CDK8: variants seen among roughly 807,000 people sequenced by gnomAD.
CDK8 encodes the protein cyclin dependent kinase 8.
In CDK8, 29 loss-of-function variants were observed where a neutral mutation model predicts 71.5. That is an observed-to-expected ratio of 0.41 (90% CI 0.30 to 0.55). The LOEUF (loss-of-function observed/expected upper bound fraction) is 0.55, where lower values mean the gene tolerates loss of function less well. Among genes scored for constraint, CDK8 ranks in the 20% least tolerant of loss-of-function variants. The pLI is 0.37. For missense variants in CDK8, 288 were observed against 572.6 expected (o/e 0.50, Z 5.07); for synonymous variants, 161 against 192.1 (o/e 0.84, Z 1.34).
intron 1 of CDK8, among the ~76,000 whole-genome samples, chr13:26,271,943 T>G (rs924550892): frequency 1.3e-5 from 2 of 150,148 alleles, no homozygotes; most frequent in African/African-American, 4.9e-5. Context: ...GGTAAGTGCA[T>G]GTGAAGGCCT....
chr13:26,368,107 C>T (rs750362674), intron 4 of CDK8, among the ~76,000 whole-genome samples: 1 of 152,176 alleles, frequency 6.6e-6, no homozygotes, highest in Non-Finnish European at 1.5e-5. Context: ...TTCACCTTGT[C>T]CATTTCATTA....
intron 5 of CDK8, among the ~76,000 whole-genome samples, chr13:26,383,197 C>G (rs1247444050): frequency 6.6e-6 from 1 of 152,202 alleles, no homozygotes; most frequent in Non-Finnish European, 1.5e-5. Flanking sequence ...GGCATACATA[C>G]AGCATGCTAA....
At chr13:26,331,138 TCACCG>T (rs1367160390) in intron 1 of CDK8, among the ~76,000 whole-genome samples, 1 of 152,212 alleles carries the variant, frequency 6.6e-6, no homozygotes, top group African/African-American at 2.4e-5. Context: ...AATGCCATCC[TCACCG>T]GGGTAAGATG....
intron 4 of CDK8, among the ~76,000 whole-genome samples, chr13:26,381,451 C>T (rs58759342): frequency 0.079 from 12,052 of 151,804 alleles, 1,562 homozygotes; most frequent in African/African-American, 0.27. Context: ...GTTAGAAGTG[C>T]GTGTGTGTGT....
At position 26,404,234 on chromosome 13, in the gene CDK8, G is replaced by A; in HGVS notation, c.*153G>A. 1.2e-6 allele frequency: 1 copy of A among 817,166 alleles called. No individual in the cohort carries two copies. The highest frequency in any genetic ancestry group is 1.8e-6 in the Non-Finnish European group (1 of 540,888). 50.6% of individuals were successfully genotyped at this position (817,166 alleles called of 1,614,324 possible). A position where few individuals can be genotyped will look rare whatever the true frequency, so the allele number is the denominator to read the frequency against. On this transcript the variant is annotated 3_prime_UTR_variant, in exon 13 of 13. Coordinates refer to ENST00000381527, the MANE Select transcript of CDK8 (RefSeq NM_001260.3). ...CAAGTTCCACCACTTTTCACAGATT[G>A]GGGTAGTGGCTTCCAAGTTGTACCT...
intron 1 of CDK8, among the ~76,000 whole-genome samples, chr13:26,304,613 G>A (rs1166322485): frequency 1.3e-5 from 2 of 151,826 alleles, no homozygotes; most frequent in Non-Finnish European, 2.9e-5. Flanking sequence ...GCCCTGACTT[G>A]ATATGACAAT....
intron 1 of CDK8, among the ~76,000 whole-genome samples, chr13:26,319,776 A>T (rs932024486): frequency 6.6e-6 from 1 of 152,090 alleles, no homozygotes; most frequent in African/African-American, 2.4e-5. Flanking sequence ...GTCTTGAAAA[A>T]GGAGAACAAA....
chr13:26,352,176 A>G lies in CDK8; in HGVS notation c.316-1564A>G, dbSNP rs1873707053. ...ATTTATATTTATTTTACCTGTTTTT[A>G]TTAAGCTTGGAGAGAGCCAAAGAAT... On this transcript the variant is annotated intron_variant, in intron 3 of 12. Coordinates refer to ENST00000381527, the MANE Select transcript of CDK8 (RefSeq NM_001260.3). Among the ~76,000 whole-genome samples the G allele has an allele frequency of 2.0e-5, 3 of 148,160 alleles. No individual in the cohort carries two copies. In the South Asian group the frequency reaches 6.4e-4, roughly 32 times the overall value.
In CDK8 at chr13:26,289,351, C is replaced by T. The variant is rs139415268; in HGVS notation, c.128+34582C>T. ...TACAGGCATGAGCCACTGCGCCCGG[C>T]CAGCTTCAGTAGTTTTTAAGTGTAG... On this transcript the variant is annotated intron_variant, in intron 1 of 12. Coordinates refer to ENST00000381527, the MANE Select transcript of CDK8 (RefSeq NM_001260.3). Among the ~76,000 whole-genome samples, 8 of 152,210 alleles carry T rather than the reference C, an allele frequency of 5.3e-5. No homozygotes were observed. The East Asian group carries it at 1.2e-3, about 22-fold the overall frequency.
intron 1 of CDK8, among the ~76,000 whole-genome samples, chr13:26,272,114 ATAACT>A (rs1872356115): frequency 6.6e-6 from 1 of 151,894 alleles, no homozygotes. Flanking sequence ...TTCTTGTATA[ATAACT>A]TAGATTAAAA....
intron 1 of CDK8, among the ~76,000 whole-genome samples, chr13:26,270,218 A>G (rs536453799): frequency 2.0e-5 from 3 of 152,002 alleles, no homozygotes; most frequent in South Asian, 2.1e-4. Context: ...GTGAAACCCT[A>G]TCTCTACTAA....
chr13:26,387,815 C>T (rs927702174), intron 6 of CDK8, among the ~76,000 whole-genome samples: 4 of 152,094 alleles, frequency 2.6e-5, no homozygotes, highest in Admixed American at 6.6e-5. Context: ...GAGAGAACTT[C>T]CCGGATTACA....
chr13:26,289,527 T>C (rs940161499), intron 1 of CDK8, among the ~76,000 whole-genome samples: 3 of 152,140 alleles, frequency 2.0e-5, no homozygotes, highest in Non-Finnish European at 4.4e-5. Flanking sequence ...ACATAGATCT[T>C]ATATCTAGCC....
At chr13:26,389,721 G>A (rs999453903) in intron 6 of CDK8, among the ~76,000 whole-genome samples, 10 of 152,012 alleles carry the variant, frequency 6.6e-5, no homozygotes, top group African/African-American at 2.4e-4. Context: ...AATAAGGTCA[G>A]GCACGGTGGC....
At chr13:26,398,824 T>G (rs1480938704) in intron 9 of CDK8, among the ~76,000 whole-genome samples, 2 of 151,626 alleles carry the variant, frequency 1.3e-5, no homozygotes, top group Non-Finnish European at 2.9e-5. Flanking sequence ...AGTAGCTGAG[T>G]GTGGTGGTAC....
chr13:26,399,730 A>G (rs938764806), intron 9 of CDK8, among the ~76,000 whole-genome samples: 5 of 152,268 alleles, frequency 3.3e-5, no homozygotes, highest in Admixed American at 1.3e-4. Flanking sequence ...CCTGAAAACA[A>G]CCTGTGATAA....
chr13:26,281,471 G>T (rs187511218), intron 1 of CDK8, among the ~76,000 whole-genome samples: 10 of 151,990 alleles, frequency 6.6e-5, no homozygotes, highest in Admixed American at 1.3e-4. Context: ...TGGTACAAAA[G>T]AATCTGAACA....
chr13:26,401,514 C>T lies in CDK8; in HGVS notation c.1159C>T (p.His387Tyr). The T allele has an allele frequency of 6.2e-7, 1 of 1,614,180 alleles. No homozygotes were observed. Among genetic ancestry groups the T allele is most frequent in the South Asian group, 1.1e-5 (1 of 91,070 alleles). Residue 387 changes from histidine (H) to tyrosine (Y), a missense_variant, in exon 12 of 13, where the codon CAC becomes TAC. Physicochemically the swap from His to Tyr is moderately conservative, Grantham distance 83. Around this residue, in one of 6 missense-constraint regions of CDK8, gnomAD observed 76 missense variants for 99.7 expected, o/e 0.76. Coordinates refer to ENST00000381527, the MANE Select transcript of CDK8 (RefSeq NM_001260.3). This position sits in a 1 kb window ranked among gnomAD's most constrained non-coding sequence, Gnocchi z 4.5. ...QGNNHTNGTG[H>Y]PGNQDSSHTQ... Reference sequence around the variant, plus strand: ...CAATAACCACACTAATGGAACTGGCCACCCAGGGAATCAAGACAGCAGTCA... The same window carrying T: ...CAATAACCACACTAATGGAACTGGCTACCCAGGGAATCAAGACAGCAGTCA...
intron 2 of CDK8, among the ~76,000 whole-genome samples, chr13:26,346,686 G>A (rs1450701352): frequency 2.6e-5 from 4 of 152,112 alleles, no homozygotes; most frequent in African/African-American, 9.7e-5. Context: ...TTAGCGTTTA[G>A]GTTTCTGAGG....
Sources: allele counts gnomAD v4.1 joint callset (sites outside exome capture counted in the v4.1 genomes callset), GRCh38; gene constraint gnomAD v4.1.1; regional missense constraint gnomAD v4.1.1; non-coding constraint Gnocchi (gnomAD v3.1); transcripts MANE v1.5; gene names NCBI Gene and HGNC (gene_info 2026-07-23, HGNC 2026-07-21).